The following CTDP1 variants were observed in gnomAD, a reference collection of about 807,000 sequenced individuals.
CTDP1 encodes CTD phosphatase 1.
Under a neutral mutation model 91.8 loss-of-function variants are expected in CTDP1, and 47 were observed. The observed-to-expected ratio is 0.51, with a 90% CI of 0.41 to 0.65. CTDP1 has a LOEUF of 0.65. Among genes scored for constraint, CTDP1 ranks in the 30% least tolerant of loss-of-function variants. The probability of loss-of-function intolerance (pLI) is 0.00; values close to 1 mark genes in which losing one functional copy is unlikely to be tolerated. For missense variants in CTDP1, 1,272 were observed against 1,373.7 expected (o/e 0.93, Z 1.17); for synonymous variants, 656 against 598.5 (o/e 1.10, Z -1.40).
At chr18:79,691,229 C>T (rs1328352345) in intron 1 of CTDP1, among the ~76,000 whole-genome samples, 5 of 152,346 alleles carry the variant, frequency 3.3e-5, no homozygotes, top group Non-Finnish European at 2.9e-5. Context: ...GCAGGCAGTG[C>T]GCACCCGACT....
At chr18:79,738,304 C>T (rs1392054329) in intron 12 of CTDP1, among the ~76,000 whole-genome samples, 2 of 152,214 alleles carry the variant, frequency 1.3e-5, no homozygotes, top group Non-Finnish European at 1.5e-5. Flanking sequence ...CAGGATGTGG[C>T]CCTCCAGGTC....
chr18:79,742,174 TGAAGCATGAGAGAGAGAGAGA>T (rs1568217193), intron 12 of CTDP1, among the ~76,000 whole-genome samples: 2 of 69,354 alleles, frequency 2.9e-5, no homozygotes, highest in African/African-American at 1.1e-4. Flanking sequence ...AGAGGAAGCA[TGAAGCATGAGAGAGAGAGAGA>T]GAGAGAGAGA....
intron 10 of CTDP1, among the ~76,000 whole-genome samples, chr18:79,726,451 C>G (rs537937548): frequency 6.6e-6 from 1 of 152,132 alleles, no homozygotes; most frequent in East Asian, 1.9e-4. Flanking sequence ...CATCTCTGCC[C>G]TCTCAGCTTG....
At chr18:79,695,939 C>G in intron 2 of CTDP1, 38 bp from the exon 3 acceptor site, 2 of 1,560,144 alleles carry the variant, frequency 1.3e-6, no homozygotes, top group Non-Finnish European at 1.8e-6. Flanking sequence ...TGCGCAGAGA[C>G]TCAGCTGAAA....
rs1011539667 is a variant in CTDP1 at position 79,729,634 on chromosome 18, G to T, written c.2580+565G>T. On this transcript the variant is annotated intron_variant, in intron 11 of 12. Coordinates refer to ENST00000613122, the MANE Select transcript of CTDP1 (RefSeq NM_004715.5). ...GGTTTTCTCAGCCGGGTCCTGCTTGGCCCCTGTGTCCTGGGCCCCTTGGCC... is the reference window on the plus strand; with the variant it reads ...GGTTTTCTCAGCCGGGTCCTGCTTGTCCCCTGTGTCCTGGGCCCCTTGGCC... Among the ~76,000 whole-genome samples, 7 of 152,218 alleles carry T rather than the reference G, an allele frequency of 4.6e-5. 1 individual carries two copies. Among genetic ancestry groups the T allele is most frequent in the Admixed American group, 4.6e-4 (7 of 15,278 alleles).
intron 5 of CTDP1, among the ~76,000 whole-genome samples, chr18:79,707,828 C>T (rs769455804): frequency 1.7e-4 from 26 of 152,090 alleles, no homozygotes; most frequent in East Asian, 9.6e-4. Flanking sequence ...CTGAGGTGGT[C>T]GCCGAGCATC....
At chr18:79,746,297 C>A (rs2086878854) in intron 12 of CTDP1, among the ~76,000 whole-genome samples, 1 of 109,154 alleles carries the variant, frequency 9.2e-6, no homozygotes, top group African/African-American at 3.6e-5. Flanking sequence ...CGTTCTGTCC[C>A]TGCGTCCCTC....
At chr18:79,748,846 G>T (rs1388610691) in intron 12 of CTDP1, among the ~76,000 whole-genome samples, 1 of 152,016 alleles carries the variant, frequency 6.6e-6, no homozygotes, top group African/African-American at 2.4e-5. Flanking sequence ...CTGCACATGA[G>T]CCGTGTCTGT....
chr18:79,680,092 C>G lies in CTDP1; in HGVS notation c.145C>G (p.Leu49Val). 9.3e-6 allele frequency: 13 copies of G among 1,404,996 alleles called. No individual in the cohort carries two copies. Among genetic ancestry groups the G allele is most frequent in the Non-Finnish European group, 1.2e-5 (13 of 1,078,988 alleles). 87.0% of individuals were successfully genotyped at this position (1,404,996 alleles called of 1,614,324 possible). A position where few individuals can be genotyped will look rare whatever the true frequency, so the allele number is the denominator to read the frequency against. The change falls in exon 1 of 13, where the codon CTG (leucine) becomes GTG (valine). Residue 49 changes from leucine (L) to valine (V), a missense_variant. This residue lies in a region of CTDP1 where 214 missense variants were observed against 179.1 expected (regional missense o/e 1.19). Transcript: ENST00000613122. The part of the protein sequence containing the change: ...AGAAVRIGSV[L>V]AVFEAAASAQ... The stretch of plus-strand genomic sequence containing the variant: ...CGCGGCCGTGCGCATCGGCTCGGTG[C>G]TGGCCGTGTTCGAGGCCGCCGCCTC...
At chr18:79,694,023 G>C (rs1043445805) in intron 1 of CTDP1, among the ~76,000 whole-genome samples, 1 of 152,210 alleles carries the variant, frequency 6.6e-6, no homozygotes, top group Non-Finnish European at 1.5e-5. Context: ...GCGCCCTCTC[G>C]ATGACATGGC....
At chr18:79,732,248 A>G (rs1356133652) in intron 11 of CTDP1, among the ~76,000 whole-genome samples, 3 of 149,926 alleles carry the variant, frequency 2.0e-5, no homozygotes, top group African/African-American at 7.4e-5. Context: ...CACTAACATG[A>G]GAAGTGCTCC....
chr18:79,683,508 C>A (rs1005899853), intron 1 of CTDP1, among the ~76,000 whole-genome samples: 3 of 152,170 alleles, frequency 2.0e-5, no homozygotes, highest in African/African-American at 7.2e-5. Context: ...TCCCTTTTAA[C>A]AGGGACCTCC....
At chr18:79,722,227 CTT>C (rs1437766991) in intron 10 of CTDP1, among the ~76,000 whole-genome samples, 2 of 152,332 alleles carry the variant, frequency 1.3e-5, no homozygotes, top group Non-Finnish European at 2.9e-5. Flanking sequence ...AAGTCAAACA[CTT>C]TTACTTGAAT....
intron 6 of CTDP1, among the ~76,000 whole-genome samples, chr18:79,711,346 G>A (rs544957684): frequency 1.9e-4 from 29 of 152,128 alleles, no homozygotes; most frequent in East Asian, 3.8e-4. Context: ...GGAGGCAGGC[G>A]TGTGTCCCCA....
upstream of CTDP1, among the ~76,000 whole-genome samples, chr18:79,677,027 G>A (rs879577098): frequency 2.0e-5 from 3 of 152,180 alleles, no homozygotes; most frequent in Non-Finnish European, 2.9e-5. Context: ...CAGTTCCATC[G>A]AGGTCTGTAT....
In CTDP1 at chr18:79,753,901, A is replaced by C. The variant is rs748334856; in HGVS notation, c.*111A>C. 1.4e-6 allele frequency: 2 copies of C among 1,396,994 alleles called. No homozygotes were observed. Among genetic ancestry groups the C allele is most frequent in the African/African-American group, 2.9e-5 (2 of 69,964 alleles). 86.5% of individuals were successfully genotyped at this position (1,396,994 alleles called of 1,614,324 possible). ...GCTGCTTTCTTCCCAAAGGACATGT[A>C]TATTTGCAGAGCTCCACATACAGAA... On this transcript the variant is annotated 3_prime_UTR_variant, in exon 13 of 13. Coordinates refer to ENST00000613122, the MANE Select transcript of CTDP1 (RefSeq NM_004715.5).
chr18:79,721,739 TGA>T (rs1351052967), intron 10 of CTDP1, among the ~76,000 whole-genome samples: 1 of 152,058 alleles, frequency 6.6e-6, no homozygotes, highest in Admixed American at 6.5e-5. Context: ...GGCCACAGGG[TGA>T]GAGCCTGTCT....
intron 12 of CTDP1, among the ~76,000 whole-genome samples, chr18:79,739,811 G>A (rs1360807337): frequency 2.0e-5 from 3 of 148,180 alleles, no homozygotes; most frequent in East Asian, 2.0e-4. Context: ...CGGCCGGGAC[G>A]GGTGGGACTC....
At chr18:79,677,871 A>T (rs986437813), upstream of CTDP1, 2 of 152,214 alleles carry the variant, frequency 1.3e-5, no homozygotes. Context: ...CCCATGCTTT[A>T]GTTTTGTTAC....
Sources: gnomAD v4.1 joint callset for allele counts (sites outside exome capture counted in the v4.1 genomes callset) on GRCh38, gnomAD v4.1.1 for gene constraint, gnomAD v4.1.1 regional missense constraint, MANE v1.5 for transcripts, NCBI Gene and HGNC (gene_info 2026-07-23, HGNC 2026-07-21) for gene names.